Variants in MYEOV observed in about 807,000 individuals in gnomAD.
The protein encoded by MYEOV is myeloma-overexpressed gene protein.
A neutral mutation model predicts 4.5 loss-of-function variants in MYEOV; 4 were observed. The ratio of observed to expected loss-of-function variants is 0.89; its 90% confidence interval spans 0.44 to 2.03. The LOEUF (loss-of-function observed/expected upper bound fraction) is 2.03, where lower values mean the gene tolerates loss of function less well. Among genes scored for constraint, MYEOV ranks in the 30% most tolerant of loss-of-function variants. The pLI is 0.03. For synonymous variants in MYEOV, 184 were observed against 170.3 expected (o/e 1.08, Z -0.63); for missense variants, 408 against 412.8 (o/e 0.99, Z 0.10).
At chr11:69,294,946 C>T (rs1449633543) in intron 1 of MYEOV, among the ~76,000 whole-genome samples, 1 of 152,210 alleles carries the variant, frequency 6.6e-6, no homozygotes, top group African/African-American at 2.4e-5. Flanking sequence ...GCAGCCGTCC[C>T]CATGGTCCCT....
Position 69,295,858 on chromosome 11 carries a change from C to T in MYEOV, c.408C>T (p.Val136=). Residue 136 remains valine, a synonymous_variant, in exon 3 of 3, where the codon GTC becomes GTT. Transcript: ENST00000441339. The surrounding 1 kb of genome is among the most constrained non-coding windows in gnomAD (Gnocchi z 4.1). ...EDVDVSRARR[V]TDAPQGTLCG... ...TGGACGTGTCCCGGGCCAGGAGGGT[C>T]ACAGATGCACCACAAGGCACTCTGT... 2 of 1,614,130 alleles carry T rather than the reference C, an allele frequency of 1.2e-6. No homozygotes were observed. Among genetic ancestry groups the T allele is most frequent in the South Asian group, 2.2e-5 (2 of 91,084 alleles).
chr11:69,295,365 G>A lies in MYEOV; in HGVS notation c.11G>A (p.Arg4Lys), dbSNP rs1158526446. Reference protein sequence around the residue: MALRICVTYTPALP... With the variant: MALKICVTYTPALP... The stretch of plus-strand genomic sequence containing the variant: ...TCCTTCCCTCGGCTCATGGCCCTCA[G>A]AATCTGCGTCACATACACCCCAGCT... The change falls in exon 2 of 3, where the codon AGA becomes AAA. Residue 4 changes from arginine to lysine, a missense_variant. Transcript: ENST00000441339. The surrounding 1 kb of genome is among the most constrained non-coding windows in gnomAD (Gnocchi z 4.1). The A allele has an allele frequency of 9.3e-6, 15 of 1,605,866 alleles. No homozygotes were observed. The highest frequency in any genetic ancestry group is 1.2e-5 in the Non-Finnish European group (14 of 1,176,024).
Position 69,296,029 on chromosome 11 carries a change from A to G in MYEOV, c.579A>G (p.Glu193=). 6.2e-7 allele frequency: 1 copy of G among 1,613,988 alleles called. No individual in the cohort carries two copies. Among genetic ancestry groups the G allele is most frequent in the Non-Finnish European group, 8.5e-7 (1 of 1,179,982 alleles). ...EVHGRHGLSM[E]IMWARMDVAL... is the part of the protein sequence containing the mutation. ...ATGGGCGGCATGGGCTCTCCATGGA[A>G]ATTATGTGGGCGCGAATGGATGTGG... The change falls in exon 3 of 3, where the codon GAA becomes GAG. Residue 193 remains glutamate (E), a synonymous_variant. Coordinates refer to ENST00000441339, the MANE Select transcript of MYEOV (RefSeq NM_001293291.2).
In MYEOV at chr11:69,296,477, CA is replaced by C; in HGVS notation, c.*86del. On this transcript the variant is annotated 3_prime_UTR_variant, in exon 3 of 3. Coordinates refer to ENST00000441339, the MANE Select transcript of MYEOV (RefSeq NM_001293291.2). The stretch of plus-strand genomic sequence containing the variant: ...CCATGAGGTAGCTACTAAAACCCCC[CA>C]CTTAACAGATGAGGAAACTGAGGCC... The C allele has an allele frequency of 1.1e-6, 1 of 915,728 alleles. No homozygotes were observed. Among genetic ancestry groups the C allele is most frequent in the South Asian group, 2.0e-5 (1 of 49,456 alleles). The allele number at this position is 915,728 out of a possible 1,614,324, so 56.7% of individuals were successfully genotyped here.
In MYEOV at chr11:69,296,199, G is replaced by A; in HGVS notation, c.749G>A (p.Trp250Ter). Reference protein sequence around the residue: ...HRHPTPHCSTWGLPLRVAGSW... With the variant: ...HRHPTPHCST ...CACCCCACCCCTCACTGCTCCACCT[G>A]GGGCCTGCCTCTGCGGGTGGCTGGG... The change falls in exon 3 of 3, where the codon TGG becomes TAG. Residue 250 changes from tryptophan (W) to a stop codon, truncating the protein, a stop_gained. Coordinates refer to ENST00000441339, the MANE Select transcript of MYEOV (RefSeq NM_001293291.2). LOFTEE classifies it low-confidence loss of function (END_TRUNC). 1 of 1,612,868 alleles carries A rather than the reference G, an allele frequency of 6.2e-7. No individual in the cohort carries two copies. Among genetic ancestry groups the A allele is most frequent in the East Asian group, 2.2e-5 (1 of 44,850 alleles).
At position 69,295,634 on chromosome 11, in the gene MYEOV, C is replaced by G. The variant is rs370559525; in HGVS notation, c.184C>G (p.Arg62Gly). Reference sequence around the variant, plus strand: ...CAGGGACTCGTTGCTCATGTTCACCCGGCAGGCTGGACACTTCGTGGAGGG... The same window carrying G: ...CAGGGACTCGTTGCTCATGTTCACCGGGCAGGCTGGACACTTCGTGGAGGG... ...GDRDSLLMFT[R>G]QAGHFVEGSK... is the part of the protein sequence containing the mutation. Residue 62 changes from arginine (R) to glycine (G), a missense_variant, in exon 3 of 3, where the codon CGG (arginine) becomes GGG (glycine). Transcript: ENST00000441339. This position sits in a 1 kb window ranked among gnomAD's most constrained non-coding sequence, Gnocchi z 4.1. 6.2e-7 allele frequency: 1 copy of G among 1,613,964 alleles called. No individual in the cohort carries two copies. Among genetic ancestry groups the G allele is most frequent in the Non-Finnish European group, 8.5e-7 (1 of 1,179,986 alleles).
Position 69,296,042 on chromosome 11 carries a change from C to T in MYEOV, c.592C>T (p.Arg198Ter), listed in dbSNP as rs371601493. Residue 198 changes from arginine to a stop codon, truncating the protein, a stop_gained, in exon 3 of 3, where the codon CGA becomes TGA. Coordinates refer to ENST00000441339, the MANE Select transcript of MYEOV (RefSeq NM_001293291.2). LOFTEE classifies it low-confidence loss of function (END_TRUNC). ...HGLSMEIMWA[R>*]MDVALRSPGR... Reference sequence around the variant, plus strand: ...GCTCTCCATGGAAATTATGTGGGCGCGAATGGATGTGGCTCTGCGCTCACC... The same window carrying T: ...GCTCTCCATGGAAATTATGTGGGCGTGAATGGATGTGGCTCTGCGCTCACC... The T allele has an allele frequency of 5.5e-5, 89 of 1,613,986 alleles. No individual in the cohort carries two copies. The highest frequency in any genetic ancestry group is 8.3e-5 in the Admixed American group (5 of 59,988).
rs1208731011 is a variant in MYEOV at position 69,296,902 on chromosome 11, A to G, written c.*510A>G. 6.5e-6 allele frequency: 1 copy of G among 153,480 alleles called. No homozygotes were observed. The highest frequency in any genetic ancestry group is 2.4e-5 in the African/African-American group (1 of 41,414). 9.5% of individuals were successfully genotyped at this position (153,480 alleles called of 1,614,324 possible). ...TGTACTGTCTTTCTGTAGACCCTAG[A>G]CTGGTGGGGCCTCTGAAATGCATCC... On this transcript the variant is annotated 3_prime_UTR_variant, in exon 3 of 3. Coordinates refer to ENST00000441339, the MANE Select transcript of MYEOV (RefSeq NM_001293291.2).
In MYEOV at chr11:69,295,131, G is replaced by C; in HGVS notation, c.-122-102G>C. 1 of 668,126 alleles carries C rather than the reference G, an allele frequency of 1.5e-6. No homozygotes were observed. Among genetic ancestry groups the C allele is most frequent in the Admixed American group, 3.3e-5 (1 of 30,054 alleles). 41.4% of individuals were successfully genotyped at this position (668,126 alleles called of 1,614,324 possible). A position where few individuals can be genotyped will look rare whatever the true frequency, so the allele number is the denominator to read the frequency against. ...CGTGAAGGGACCCTAGAGGCCATGG[G>C]GACCCAGGCACAGAGCGGCGGCCTC... On this transcript the variant is annotated intron_variant, in intron 1 of 2. Transcript: ENST00000441339. The surrounding 1 kb of genome is among the most constrained non-coding windows in gnomAD (Gnocchi z 4.1).
Position 69,296,288 on chromosome 11 carries a change from G to T in MYEOV, c.838G>T (p.Gly280Cys). 1 of 1,554,850 alleles carries T rather than the reference G, an allele frequency of 6.4e-7. No individual in the cohort carries two copies. Among genetic ancestry groups the T allele is most frequent in the Non-Finnish European group, 8.7e-7 (1 of 1,148,302 alleles). Residue 280 changes from glycine to cysteine, a missense_variant, in exon 3 of 3, where the codon GGC becomes TGC. Transcript: ENST00000441339. ...GTGGCGCATGGGAGTTAGGAGGACT[G>T]GCCAGGTGGGGCCCACTATGCACCC... ...GGWRMGVRRT[G>C]QVGPTMHPPP...
rs761264687 is a variant in MYEOV at position 69,295,680 on chromosome 11, G to A, written c.230G>A (p.Arg77Gln). ...FVEGSKAGRS[R>Q]GRLCLSQALR... ...GAGGGCTCCAAAGCCGGCAGATCCC[G>A]GGGCCGCCTCTGTCTCTCCCAGGCC... is the stretch of plus-strand genomic sequence containing the variant. Residue 77 changes from arginine to glutamine, a missense_variant, in exon 3 of 3, where the codon CGG (arginine) becomes CAG (glutamine). Arg to Gln is a conservative substitution (Grantham distance 43, BLOSUM62 1). Transcript: ENST00000441339. The surrounding 1 kb of genome is among the most constrained non-coding windows in gnomAD (Gnocchi z 4.1). 6.2e-6 allele frequency: 10 copies of A among 1,614,074 alleles called. No individual in the cohort carries two copies. Among genetic ancestry groups the A allele is most frequent in the East Asian group, 2.2e-5 (1 of 44,872 alleles).
At position 69,297,172 on chromosome 11, in the gene MYEOV, CA is replaced by C. The variant is rs780945791; in HGVS notation, c.*781del. On this transcript the variant is annotated 3_prime_UTR_variant, in exon 3 of 3. Coordinates refer to ENST00000441339, the MANE Select transcript of MYEOV (RefSeq NM_001293291.2). ...CACCACATTAGCTCAGGGGTTTGGG[CA>C]TTTTTGTCGCCGTCTCCTTTGGGCT... 3.0e-4 allele frequency: 46 copies of C among 152,240 alleles called. No individual in the cohort carries two copies. The highest frequency in any genetic ancestry group is 2.2e-3 in the Admixed American group (33 of 15,288). The allele number at this position is 152,240 out of a possible 1,614,324, so 9.4% of individuals were successfully genotyped here.
chr11:69,296,062 C>A lies in MYEOV; in HGVS notation c.612C>A (p.Arg204=). Residue 204 remains arginine, a synonymous_variant, in exon 3 of 3, where the codon CGC becomes CGA. Coordinates refer to ENST00000441339, the MANE Select transcript of MYEOV (RefSeq NM_001293291.2). ...IMWARMDVAL[R]SPGRGLLAGA... ...GGGCGCGAATGGATGTGGCTCTGCG[C>A]TCACCTGGGCGAGGACTTCTGGCCG... 2 of 1,614,194 alleles carry A rather than the reference C, an allele frequency of 1.2e-6. No homozygotes were observed. The highest frequency in any genetic ancestry group is 1.7e-6 in the Non-Finnish European group (2 of 1,180,038).
In MYEOV at chr11:69,296,852, G is replaced by C. The variant is rs1047227704; in HGVS notation, c.*460G>C. 1 of 162,792 alleles carries C rather than the reference G, an allele frequency of 6.1e-6. No individual in the cohort carries two copies. Among genetic ancestry groups the C allele is most frequent in the African/African-American group, 2.4e-5 (1 of 41,644 alleles). 10.1% of individuals were successfully genotyped at this position (162,792 alleles called of 1,614,324 possible). A position where few individuals can be genotyped will look rare whatever the true frequency, so the allele number is the denominator to read the frequency against. On this transcript the variant is annotated 3_prime_UTR_variant, in exon 3 of 3. Transcript: ENST00000441339. ...AATCCATGAGTGATGTCTGCCATGC[G>C]TACAGGCATGGAGAGTGAGGCGCCT...
Position 69,296,352 on chromosome 11 carries a change from A to G in MYEOV, c.902A>G (p.His301Arg). The change falls in exon 3 of 3, where the codon CAC becomes CGC. Residue 301 changes from histidine (H) to arginine (R), a missense_variant. Coordinates refer to ENST00000441339, the MANE Select transcript of MYEOV (RefSeq NM_001293291.2). The part of the protein sequence containing the change: ...VSGASPLLLH[H>R]LLLLLLIIIL... ...GGTGCTTCTCCTCTCCTCCTCCACCACCTCCTCCTCCTCCTCCTCATCATC... is the reference window on the plus strand; with the variant it reads ...GGTGCTTCTCCTCTCCTCCTCCACCGCCTCCTCCTCCTCCTCCTCATCATC... 1 of 1,479,756 alleles carries G rather than the reference A, an allele frequency of 6.8e-7. No individual in the cohort carries two copies. Among genetic ancestry groups the G allele is most frequent in the Non-Finnish European group, 9.0e-7 (1 of 1,113,818 alleles). The allele number at this position is 1,479,756 out of a possible 1,614,324, so 91.7% of individuals were successfully genotyped here. A position where few individuals can be genotyped will look rare whatever the true frequency, so the allele number is the denominator to read the frequency against.
At position 69,296,595 on chromosome 11, in the gene MYEOV, T is replaced by G. The variant is rs1380468732; in HGVS notation, c.*203T>G. 1 of 456,668 alleles carries G rather than the reference T, an allele frequency of 2.2e-6. No individual in the cohort carries two copies. Among genetic ancestry groups the G allele is most frequent in the East Asian group, 3.2e-5 (1 of 31,160 alleles). The allele number at this position is 456,668 out of a possible 1,614,324, so 28.3% of individuals were successfully genotyped here. On this transcript the variant is annotated 3_prime_UTR_variant, in exon 3 of 3. Transcript: ENST00000441339. The stretch of plus-strand genomic sequence containing the variant: ...CCTTCTCCTTTCTCCCATTCTTCCC[T>G]GCCTCTTCCCTAACTAGACAATTTT...
chr11:69,296,752 G>A lies in MYEOV; in HGVS notation c.*360G>A, dbSNP rs1855212181. ...GCAAGTTCAGCTCCAGCCGACTGGG[G>A]CATTGGTGGTAGCCCCTGGAGACAT... On this transcript the variant is annotated 3_prime_UTR_variant, in exon 3 of 3. Transcript: ENST00000441339. The A allele has an allele frequency of 4.3e-6, 1 of 235,082 alleles. No individual in the cohort carries two copies. Among genetic ancestry groups the A allele is most frequent in the Non-Finnish European group, 8.3e-6 (1 of 120,028 alleles). The allele number at this position is 235,082 out of a possible 1,614,324, so 14.6% of individuals were successfully genotyped here.
Position 69,296,257 on chromosome 11 carries a change from G to T in MYEOV, c.807G>T (p.Leu269=), listed in dbSNP as rs752430876. The change falls in exon 3 of 3, where the codon CTG becomes CTT. Residue 269 remains leucine, a synonymous_variant. Coordinates refer to ENST00000441339, the MANE Select transcript of MYEOV (RefSeq NM_001293291.2). ...TGACTGTTGTGACTGTTGAGGCCCT[G>T]GGGGGGTGGCGCATGGGAGTTAGGA... The part of the protein sequence containing the change: ...SWLTVVTVEA[L]GGWRMGVRRT... The T allele has an allele frequency of 1.9e-6, 3 of 1,585,396 alleles. No individual in the cohort carries two copies. Among genetic ancestry groups the T allele is most frequent in the East Asian group, 2.4e-5 (1 of 42,080 alleles).
rs138762742 is a variant in MYEOV, at chr11:69,296,121, C to G, written c.671C>G (p.Ser224Trp). The change falls in exon 3 of 3, where the codon TCG becomes TGG. Residue 224 changes from serine to tryptophan, a missense_variant. Ser to Trp is a radical substitution (Grantham distance 177). Coordinates refer to ENST00000441339, the MANE Select transcript of MYEOV (RefSeq NM_001293291.2). ...GCACTCTGCATGACCCTGGCAGAAT[C>G]GAGCTGCCCTGACTATGAAAGGGGA... ...AGALCMTLAESSCPDYERGRR... is the reference protein window; with the variant it reads ...AGALCMTLAEWSCPDYERGRR... The G allele has an allele frequency of 6.2e-7, 1 of 1,614,032 alleles. No homozygotes were observed. The highest frequency in any genetic ancestry group is 1.3e-5 in the African/African-American group (1 of 74,922).
Sources: allele counts gnomAD v4.1 joint callset (sites outside exome capture counted in the v4.1 genomes callset), GRCh38; gene constraint gnomAD v4.1.1; non-coding constraint Gnocchi (gnomAD v3.1); transcripts MANE v1.5; gene names NCBI Gene and HGNC (gene_info 2026-07-23, HGNC 2026-07-21).